The following CFAP47 variants were observed in gnomAD, a reference collection of about 807,000 sequenced individuals.
CFAP47 encodes cilia- and flagella-associated protein 47.
Under a neutral mutation model 148.1 loss-of-function variants are expected in CFAP47, and 29 were observed. That is an observed-to-expected ratio of 0.20 (90% CI 0.15 to 0.27). CFAP47 has a LOEUF of 0.27. Among genes scored for constraint, CFAP47 ranks in the 10% least tolerant of loss-of-function variants. The pLI is 1.00. For synonymous variants in CFAP47, 664 were observed against 577.3 expected (o/e 1.15, Z -2.15); for missense variants, 1,872 against 1,697.5 (o/e 1.10, Z -1.81).
chrX:36,294,776 A>G (rs1253321860), intron 51 of CFAP47, among the ~76,000 whole-genome samples: 3 of 111,856 alleles, frequency 2.7e-5, no homozygotes, highest in Non-Finnish European at 5.6e-5. Flanking sequence ...ATATATATAA[A>G]TGCTGAAAAT....
At chrX:36,164,443 A>G (rs1048350444) in intron 39 of CFAP47, among the ~76,000 whole-genome samples, 5 of 111,375 alleles carry the variant, frequency 4.5e-5, no homozygotes, top group African/African-American at 1.6e-4. Context: ...TTTTTGTTTC[A>G]AATTCTATCA....
At chrX:36,141,631 A>C (rs1053191131) in intron 35 of CFAP47, among the ~76,000 whole-genome samples, 8 of 112,122 alleles carry the variant, frequency 7.1e-5, no homozygotes, top group African/African-American at 2.6e-4. Context: ...TCACTAGGAA[A>C]TTTTCAGCTT....
At chrX:36,254,313 A>G (rs1378162186) in intron 49 of CFAP47, among the ~76,000 whole-genome samples, 1 of 111,338 alleles carries the variant, frequency 9.0e-6, no homozygotes, top group East Asian at 2.8e-4. Flanking sequence ...TAAAAAGTAG[A>G]TGGATGTGTT....
chrX:36,149,290 A>G lies in CFAP47; in HGVS notation c.5786+67A>G, dbSNP rs1031370407. 2.4e-4 allele frequency: 66 copies of G among 279,675 alleles called. No homozygotes were observed. In the East Asian group the frequency reaches 3.2e-3, roughly 14 times the overall value. 23.0% of individuals were successfully genotyped at this position (279,675 alleles called of 1,213,427 possible). ...CCCAAATATTTAATGTTATAATTATAAAATGTGACTTTGATTTTAATATTG... is the reference window on the plus strand; with the variant it reads ...CCCAAATATTTAATGTTATAATTATGAAATGTGACTTTGATTTTAATATTG... On this transcript the variant is annotated intron_variant, in intron 37 of 63. Coordinates refer to ENST00000378653, the MANE Select transcript of CFAP47 (RefSeq NM_001304548.2).
intron 57 of CFAP47, among the ~76,000 whole-genome samples, chrX:36,320,469 G>A (rs782709178): frequency 7.2e-5 from 8 of 111,694 alleles, no homozygotes; most frequent in Non-Finnish European, 1.3e-4. Context: ...GGGACAGGTG[G>A]ATGTTATTAT....
chrX:36,380,670 C>T (rs1942070040), intron 63 of CFAP47, among the ~76,000 whole-genome samples: 1 of 112,031 alleles, frequency 8.9e-6, no homozygotes, highest in African/African-American at 3.2e-5. Flanking sequence ...GTCTCGATCT[C>T]CTGACCTCAT....
At chrX:36,180,455 G>A (rs920365674) in intron 40 of CFAP47, among the ~76,000 whole-genome samples, 1 of 111,867 alleles carries the variant, frequency 8.9e-6, no homozygotes, top group Non-Finnish European at 1.9e-5. Flanking sequence ...GTTTGTCTTT[G>A]TATAGTGCTT....
chrX:36,188,759 A>G, intron 41 of CFAP47, 69 bp downstream of exon 41: 1 of 291,897 alleles, frequency 3.4e-6, no homozygotes, highest in Non-Finnish European at 6.0e-6. Context: ...ATAATATGAA[A>G]TGAGATATTC....
At chrX:36,110,397 AT>A (rs1388178079) in intron 33 of CFAP47, among the ~76,000 whole-genome samples, 15 of 110,257 alleles carry the variant, frequency 1.4e-4, no homozygotes, top group Non-Finnish European at 1.9e-5. Context: ...TTTTTTGTCA[AT>A]TTTGTCAAAG....
chrX:36,298,987 G>C lies in CFAP47; in HGVS notation c.7697G>C (p.Cys2566Ser), dbSNP rs1363429032. 1.7e-6 allele frequency: 2 copies of C among 1,145,019 alleles called. No individual in the cohort carries two copies. The highest frequency in any genetic ancestry group is 1.8e-5 in the African/African-American group (1 of 55,110). The allele number at this position is 1,145,019 out of a possible 1,213,427, so 94.4% of individuals were successfully genotyped here. A position where few individuals can be genotyped will look rare whatever the true frequency, so the allele number is the denominator to read the frequency against. The change falls in exon 52 of 64, where the codon TGC (cysteine) becomes TCC (serine). Residue 2566 changes from cysteine (C) to serine (S), a missense_variant. Coordinates refer to ENST00000378653, the MANE Select transcript of CFAP47 (RefSeq NM_001304548.2). ...GTTGTATAATTCTAGGACAGCACTT[G>C]CATTGAAATACCTCTCTCTAATCCA... ...EMTCIALDST[C>S]IEIPLSNPKD...
chrX:36,023,107 TG>T (rs1296738257), intron 22 of CFAP47, among the ~76,000 whole-genome samples: 58 of 112,014 alleles, frequency 5.2e-4, no homozygotes, highest in African/African-American at 1.8e-3. Context: ...GTGTCCTTCT[TG>T]GGTAGGTTTT....
chrX:36,383,607 C>G (rs1452873915), intron 63 of CFAP47, among the ~76,000 whole-genome samples: 1 of 111,770 alleles, frequency 8.9e-6, no homozygotes, highest in Non-Finnish European at 1.9e-5. Context: ...ACTTTTGACA[C>G]ACTGATTCTG....
chrX:35,966,838 C>T lies in CFAP47; in HGVS notation c.1600+84C>T. On this transcript the variant is annotated intron_variant, in intron 9 of 63. Transcript: ENST00000378653. ...TTTTAATATACTAATTGCTTAATTA[C>T]ACACGCACATATATGTGAAAGAAGT... 4.4e-6 allele frequency: 3 copies of T among 676,572 alleles called. No individual in the cohort carries two copies. In the South Asian group the frequency reaches 1.6e-4, roughly 36 times the overall value. 55.8% of individuals were successfully genotyped at this position (676,572 alleles called of 1,213,427 possible).
chrX:36,361,248 T>C, intron 60 of CFAP47, 82 bp from the exon 61 acceptor site: 1 of 505,505 alleles, frequency 2.0e-6, no homozygotes, highest in Non-Finnish European at 3.2e-6. Flanking sequence ...TACCTGTGCA[T>C]TGTTAGTCTT....
Position 36,140,557 on chromosome X carries a change from G to A in CFAP47, c.5535+2093G>A, listed in dbSNP as rs552807501. 5.4e-5 allele frequency among the ~76,000 whole-genome samples: 6 copies of A among 111,112 alleles called. No individual in the cohort carries two copies. The South Asian group carries it at 1.9e-3, about 35-fold the overall frequency. On this transcript the variant is annotated intron_variant, in intron 35 of 63. Coordinates refer to ENST00000378653, the MANE Select transcript of CFAP47 (RefSeq NM_001304548.2). ...GCAGATAATGACCAAAACTTTATCA[G>A]CCAATTCCAATGCCCTAACTCTTTA...
chrX:36,272,090 T>C (rs920285284), intron 49 of CFAP47, among the ~76,000 whole-genome samples: 1 of 111,965 alleles, frequency 8.9e-6, no homozygotes. Context: ...GAGCAAACTT[T>C]GTACTTGATG....
chrX:36,170,494 G>T (rs779952485), intron 39 of CFAP47, among the ~76,000 whole-genome samples: 44 of 108,192 alleles, frequency 4.1e-4, no homozygotes, highest in Admixed American at 7.9e-4. Flanking sequence ...TCCCCTTCCT[G>T]TGTCCATGTG....
At chrX:36,343,117 C>A (rs1941667575) in intron 57 of CFAP47, among the ~76,000 whole-genome samples, 1 of 111,636 alleles carries the variant, frequency 9.0e-6, no homozygotes, top group Non-Finnish European at 1.9e-5. Context: ...CCAGCTTCAT[C>A]CACGTCCCTG....
chrX:36,104,151 G>A (rs1201765280), intron 32 of CFAP47, among the ~76,000 whole-genome samples: 1 of 112,000 alleles, frequency 8.9e-6, no homozygotes, highest in Non-Finnish European at 1.9e-5. Flanking sequence ...GCATGAGCTG[G>A]TAAGGAAATA....
Sources: gnomAD v4.1 joint callset for allele counts (sites outside exome capture counted in the v4.1 genomes callset) on GRCh38, gnomAD v4.1.1 for gene constraint, MANE v1.5 for transcripts, NCBI Gene and HGNC (gene_info 2026-07-23, HGNC 2026-07-21) for gene names.